The following SCN11A variants were observed in gnomAD, a reference collection of about 807,000 sequenced individuals.
SCN11A encodes the protein sodium voltage-gated channel alpha subunit 11.
In SCN11A, 122 loss-of-function variants were observed where a neutral mutation model predicts 162.2. That is an observed-to-expected ratio of 0.75 (90% CI 0.65 to 0.87). The LOEUF (loss-of-function observed/expected upper bound fraction) is 0.87, where lower values mean the gene tolerates loss of function less well. Ranked by LOEUF, SCN11A falls within the 40% of genes least tolerant of loss-of-function variation. The pLI is 0.00. For missense variants in SCN11A, 2,015 were observed against 2,181.6 expected, an observed-to-expected ratio of 0.92 and a Z score of 1.52; for synonymous variants, 758 against 751.5, an observed-to-expected ratio of 1.01 and a Z score of -0.14.
intron 12 of SCN11A, 134 bp from the exon 13 acceptor site, chr3:38,909,328 C>T (rs1189260725): frequency 1.7e-5 from 12 of 704,108 alleles, no homozygotes; most frequent in Non-Finnish European, 2.9e-5. Context: ...TGACCACAGA[C>T]CATATAGCTT....
At chr3:39,046,763 C>T (rs1340431688) in intron 1 of SCN11A, among the ~76,000 whole-genome samples, 1 of 152,146 alleles carries the variant, frequency 6.6e-6, no homozygotes, top group African/African-American at 2.4e-5. Flanking sequence ...CTCTGTCACC[C>T]AGACTGAAGT....
chr3:38,963,391 G>A, intron 2 of SCN11A, among the ~76,000 whole-genome samples: 1 of 48,658 alleles, frequency 2.1e-5, no homozygotes, highest in Non-Finnish European at 3.4e-5. Context: ...ATATATGATG[G>A]AGATATATAT....
intron 1 of SCN11A, among the ~76,000 whole-genome samples, chr3:39,047,020 C>A (rs1318360784): frequency 2.0e-3 from 249 of 123,472 alleles, no homozygotes; most frequent in African/African-American, 7.8e-3. Context: ...TGCACACAGC[C>A]CCCCACCCCC....
At chr3:38,881,261 C>T (rs142048243) in intron 22 of SCN11A, among the ~76,000 whole-genome samples, 187 of 152,302 alleles carry the variant, frequency 1.2e-3, no homozygotes, top group African/African-American at 4.3e-3. Context: ...GAGTAGACCA[C>T]TTAATTGTTC....
intron 2 of SCN11A, among the ~76,000 whole-genome samples, chr3:38,996,719 C>G (rs539120960): frequency 1.3e-5 from 2 of 152,080 alleles, no homozygotes; most frequent in African/African-American, 2.4e-5. Flanking sequence ...CGGTATATTG[C>G]GAAGATGGCA....
At chr3:38,884,881 GCCAGAAT>G (rs909707496) in intron 21 of SCN11A, among the ~76,000 whole-genome samples, 5 of 152,214 alleles carry the variant, frequency 3.3e-5, no homozygotes, top group Non-Finnish European at 5.9e-5. Context: ...AAGTGGCAAG[GCCAGAAT>G]TTGAGCTCAG....
intron 28 of SCN11A, among the ~76,000 whole-genome samples, chr3:38,862,736 C>A (rs999825189): frequency 6.6e-6 from 1 of 151,900 alleles, no homozygotes; most frequent in Non-Finnish European, 1.5e-5. Context: ...TTCAGGGAAT[C>A]AAGGAGATGG....
intron 1 of SCN11A, among the ~76,000 whole-genome samples, chr3:39,042,974 A>AAAAAAGAAAG (rs1559584058): frequency 2.1e-4 from 22 of 103,678 alleles, no homozygotes; most frequent in South Asian, 2.6e-4. Flanking sequence ...AAAAAAAAAA[A>AAAAAAGAAAG]AAAAAGAAAA....
At chr3:39,017,070 G>A (rs2125605217) in intron 2 of SCN11A, among the ~76,000 whole-genome samples, 1 of 152,302 alleles carries the variant, frequency 6.6e-6, no homozygotes, top group East Asian at 1.9e-4. Context: ...ATTGGGAAGT[G>A]GAGCTTTTGG....
At chr3:38,934,503 C>T (rs201896746) in intron 7 of SCN11A, among the ~76,000 whole-genome samples, 3 of 152,152 alleles carry the variant, frequency 2.0e-5, no homozygotes, top group Non-Finnish European at 4.4e-5. Context: ...CAGAGACACA[C>T]ATAGGCTCAA....
At position 38,858,621 on chromosome 3, in the gene SCN11A, A is replaced by G. The variant is rs139234752; in HGVS notation, c.4056+4574T>C. Reference sequence around the variant, plus strand: ...CGGGTAATCAAGACAGAAATTAAACAAAGAAACAATGGACTTAAACTATAC... The same window carrying G: ...CGGGTAATCAAGACAGAAATTAAACGAAGAAACAATGGACTTAAACTATAC... On this transcript the variant is annotated intron_variant, in intron 28 of 29. Transcript: ENST00000302328. Among the ~76,000 whole-genome samples the G allele has an allele frequency of 5.2e-3, 797 of 152,318 alleles. 5 individuals carry two copies. The highest frequency in any genetic ancestry group is 0.018 in the African/African-American group (762 of 41,564).
chr3:39,011,747 T>C (rs1317277474), intron 2 of SCN11A, among the ~76,000 whole-genome samples: 1 of 152,084 alleles, frequency 6.6e-6, no homozygotes, highest in African/African-American at 2.4e-5. Context: ...ATTTCCAAGG[T>C]TGGGGGCGGC....
intron 29 of SCN11A, chr3:38,849,763 T>C (rs1432065163): frequency 6.6e-6 from 1 of 152,262 alleles, no homozygotes; most frequent in Non-Finnish European, 1.5e-5. Context: ...AGTATGGTAA[T>C]AACCTTCTTT....
intron 3 of SCN11A, among the ~76,000 whole-genome samples, chr3:38,955,268 C>A (rs2066667884): frequency 6.6e-6 from 1 of 152,082 alleles, no homozygotes; most frequent in African/African-American, 2.4e-5. Flanking sequence ...GCTTGGGCCA[C>A]AGAATGAGAC....
chr3:39,039,431 T>C (rs545359742), intron 1 of SCN11A, among the ~76,000 whole-genome samples: 1 of 152,224 alleles, frequency 6.6e-6, no homozygotes, highest in African/African-American at 2.4e-5. Context: ...ATGGTACCAT[T>C]TTGGGAAAGA....
chr3:38,907,809 A>G (rs1024191128), intron 14 of SCN11A, 140 bp downstream of exon 14: 8 of 708,820 alleles, frequency 1.1e-5, no homozygotes, highest in East Asian at 2.6e-5. Flanking sequence ...GAAAAGACAC[A>G]TGGATGCATG....
chr3:39,019,789 C>T lies in SCN11A; in HGVS notation c.-280+12591G>A, dbSNP rs1034506598. Among the ~76,000 whole-genome samples the T allele has an allele frequency of 4.6e-5, 7 of 152,192 alleles. No homozygotes were observed. In the South Asian group the frequency reaches 1.4e-3, roughly 32 times the overall value. ...TATTTATAATGATATTCCCTTTTAT[C>T]ACAACTTTATCCATAACCCATACAT... On this transcript the variant is annotated intron_variant, in intron 2 of 29. Coordinates refer to ENST00000302328, the MANE Select transcript of SCN11A (RefSeq NM_001349253.2).
chr3:38,847,796 TC>T, intron 29 of SCN11A, 54 bp from the exon 30 acceptor site: 1 of 1,136,624 alleles, frequency 8.8e-7, no homozygotes. Flanking sequence ...TGGTTTCAGA[TC>T]CAGCCTGTCT....
At chr3:38,988,338 C>G (rs2030334317) in intron 2 of SCN11A, among the ~76,000 whole-genome samples, 1 of 152,106 alleles carries the variant, frequency 6.6e-6, no homozygotes, top group Admixed American at 6.6e-5. Context: ...CTCTCATTCT[C>G]TGAGCCTAGG....
Sources: gnomAD v4.1 joint callset for allele counts (sites outside exome capture counted in the v4.1 genomes callset) on GRCh38, gnomAD v4.1.1 for gene constraint, MANE v1.5 for transcripts, NCBI Gene and HGNC (gene_info 2026-07-23, HGNC 2026-07-21) for gene names.